The following GOLM2 variants were observed in gnomAD, a reference collection of about 807,000 sequenced individuals.
The protein encoded by GOLM2 is protein GOLM2.
Under a neutral mutation model 55.9 loss-of-function variants are expected in GOLM2, and 26 were observed. The observed-to-expected ratio is 0.47, with a 90% CI of 0.34 to 0.65. The LOEUF is 0.65. Ranked by LOEUF, GOLM2 falls within the 30% of genes least tolerant of loss-of-function variation. The probability of loss-of-function intolerance (pLI) is 0.01; values close to 1 mark genes in which losing one functional copy is unlikely to be tolerated. For synonymous variants in GOLM2, 165 were observed against 194.6 expected, an observed-to-expected ratio of 0.85 and a Z score of 1.27; for missense variants, 486 against 531.8, an observed-to-expected ratio of 0.91 and a Z score of 0.85.
chr15:44,384,865 C>T (rs934419291), intron 8 of GOLM2, among the ~76,000 whole-genome samples: 36 of 150,904 alleles, frequency 2.4e-4, no homozygotes, highest in Non-Finnish European at 4.4e-4. Flanking sequence ...GCTGAGGTCA[C>T]GCCACTGCAC....
rs150377500 is a variant in GOLM2 at position 44,355,483 on chromosome 15, G to A, written c.802+17166G>A. The A allele has an allele frequency of 2.2e-3, 357 of 165,794 alleles. 1 individual carries two copies. The highest frequency in any genetic ancestry group is 7.8e-3 in the African/African-American group (327 of 41,674). 10.3% of individuals were successfully genotyped at this position (165,794 alleles called of 1,614,324 possible). ...TCAAGAAGATGGTGAAGCAGGCATC[G>A]GAAGGCCCTTCGAGGGCACACTGGG... On this transcript the variant is annotated intron_variant, in intron 6 of 9. Transcript: ENST00000299957.
chr15:44,370,016 C>T (rs1306492436), intron 6 of GOLM2, among the ~76,000 whole-genome samples: 2 of 152,096 alleles, frequency 1.3e-5, no homozygotes, highest in Non-Finnish European at 2.9e-5. Context: ...TGTTTGAGGG[C>T]AGGAAGCATC....
At chr15:44,304,613 G>T (rs899802929) in intron 1 of GOLM2, among the ~76,000 whole-genome samples, 5 of 151,906 alleles carry the variant, frequency 3.3e-5, no homozygotes, top group Admixed American at 3.3e-4. Context: ...GAATGCAGTG[G>T]TGCAATCACA....
At chr15:44,360,888 G>T (rs2079232878) in intron 6 of GOLM2, among the ~76,000 whole-genome samples, 2 of 152,034 alleles carry the variant, frequency 1.3e-5, no homozygotes, top group African/African-American at 4.8e-5. Context: ...TAGAACTCAG[G>T]ATTAAGAAAC....
intron 1 of GOLM2, among the ~76,000 whole-genome samples, chr15:44,315,848 G>C (rs1331595701): frequency 1.3e-5 from 2 of 152,136 alleles, no homozygotes; most frequent in African/African-American, 4.8e-5. Context: ...CGATAACAAG[G>C]GGAAATAAAT....
chr15:44,297,825 C>T lies in GOLM2; in HGVS notation c.327+8469C>T, dbSNP rs551000269. 2.7e-5 allele frequency among the ~76,000 whole-genome samples: 4 copies of T among 149,678 alleles called. No individual in the cohort carries two copies. In the East Asian group the frequency reaches 8.0e-4, roughly 30 times the overall value. ...CCTCATGATCCACCCGCCTTGGCCT[C>T]CCAAAGTGTTGGGATTACAGGTGTG... On this transcript the variant is annotated intron_variant, in intron 1 of 9. Coordinates refer to ENST00000299957, the MANE Select transcript of GOLM2 (RefSeq NM_138423.4).
chr15:44,309,498 A>T (rs1358597313), intron 1 of GOLM2, among the ~76,000 whole-genome samples: 2 of 152,204 alleles, frequency 1.3e-5, no homozygotes, highest in African/African-American at 4.8e-5. Context: ...AAATAAAATA[A>T]AAAAATTCTA....
rs1332151684 is a variant in GOLM2, at chr15:44,343,215, C to T, written c.802+4898C>T. ...GGGTGTGGTGGTGGGCACCTGTAAT[C>T]CCAGCTACTCGGGAGGCTGAGGCAG... On this transcript the variant is annotated intron_variant, in intron 6 of 9. Coordinates refer to ENST00000299957, the MANE Select transcript of GOLM2 (RefSeq NM_138423.4). Among the ~76,000 whole-genome samples the T allele has an allele frequency of 3.3e-5, 5 of 151,766 alleles. No homozygotes were observed. The South Asian group carries it at 1.0e-3, about 32-fold the overall frequency.
intron 8 of GOLM2, 77 bp from the exon 9 acceptor site, chr15:44,402,810 T>G: frequency 6.9e-7 from 1 of 1,458,806 alleles, no homozygotes; most frequent in Non-Finnish European, 9.4e-7. Context: ...CTTGTTTACT[T>G]TCTGGTCTGC....
At chr15:44,333,016 C>G (rs1265646210) in intron 4 of GOLM2, among the ~76,000 whole-genome samples, 1 of 151,948 alleles carries the variant, frequency 6.6e-6, no homozygotes, top group Non-Finnish European at 1.5e-5. Context: ...CACTGCCAGC[C>G]CCGCCTCCTG....
At chr15:44,407,099 ATGTT>A (rs1175136097) in intron 9 of GOLM2, among the ~76,000 whole-genome samples, 1 of 146,408 alleles carries the variant, frequency 6.8e-6, no homozygotes, top group Non-Finnish European at 1.5e-5. Context: ...TTTAATAAAA[ATGTT>A]TGCATATTTA....
intron 9 of GOLM2, among the ~76,000 whole-genome samples, chr15:44,409,352 C>T (rs1359277599): frequency 6.7e-6 from 1 of 150,152 alleles, no homozygotes; most frequent in Admixed American, 6.7e-5. Context: ...TTTGGGAGGC[C>T]GAGGCGGGTG....
intron 2 of GOLM2, among the ~76,000 whole-genome samples, chr15:44,328,038 TTTAA>T (rs2078996686): frequency 6.6e-6 from 1 of 152,234 alleles, no homozygotes; most frequent in South Asian, 2.1e-4. Flanking sequence ...TTTTTCCTAC[TTTAA>T]TAAAGCAGAT....
intron 6 of GOLM2, among the ~76,000 whole-genome samples, chr15:44,361,136 TA>T (rs2079235073): frequency 6.7e-6 from 1 of 149,120 alleles, no homozygotes; most frequent in Non-Finnish European, 1.5e-5. Context: ...ACATCACAAT[TA>T]AAAGAACTAG....
intron 1 of GOLM2, among the ~76,000 whole-genome samples, chr15:44,320,008 C>T (rs1374871301): frequency 7.2e-5 from 11 of 152,186 alleles, no homozygotes; most frequent in Non-Finnish European, 1.6e-4. Flanking sequence ...CAACTATCAC[C>T]ATGGTCTAAT....
chr15:44,294,605 T>C (rs1380091107), intron 1 of GOLM2, among the ~76,000 whole-genome samples: 1 of 151,598 alleles, frequency 6.6e-6, no homozygotes, highest in Non-Finnish European at 1.5e-5. Flanking sequence ...TCCCAGCTAC[T>C]TGGGAGGCTG....
intron 3 of GOLM2, among the ~76,000 whole-genome samples, chr15:44,329,466 A>G (rs1391498784): frequency 6.6e-6 from 1 of 152,138 alleles, no homozygotes; most frequent in Non-Finnish European, 1.5e-5. Context: ...AGTATTCAGT[A>G]TTTTTCTGCA....
intron 8 of GOLM2, among the ~76,000 whole-genome samples, chr15:44,398,043 A>G (rs1043842967): frequency 4.6e-5 from 7 of 152,206 alleles, no homozygotes; most frequent in Non-Finnish European, 8.8e-5. Flanking sequence ...GATACTGGAG[A>G]TACTGTAGGG....
intron 2 of GOLM2, among the ~76,000 whole-genome samples, chr15:44,324,030 T>C (rs1213783822): frequency 6.6e-6 from 1 of 152,194 alleles, no homozygotes; most frequent in African/African-American, 2.4e-5. Flanking sequence ...TGTGTCCATG[T>C]TCTCTTTTTG....
Sources: allele counts gnomAD v4.1 joint callset (sites outside exome capture counted in the v4.1 genomes callset), GRCh38; gene constraint gnomAD v4.1.1; transcripts MANE v1.5; gene names NCBI Gene and HGNC (gene_info 2026-07-23, HGNC 2026-07-21).